STAG1: variants seen among roughly 807,000 people sequenced by gnomAD.
STAG1 encodes the protein STAG1 cohesin complex component.
Under a neutral mutation model 170.9 loss-of-function variants are expected in STAG1, and 26 were observed. The observed-to-expected ratio is 0.15, with a 90% confidence interval of 0.11 to 0.21. The LOEUF is 0.21. STAG1 is among the 10% of genes least tolerant of loss of function. STAG1 has a pLI of 1.00. For synonymous variants in STAG1, 514 were observed against 497.7 expected, an observed-to-expected ratio of 1.03 and a Z score of -0.44; for missense variants, 964 against 1,509.5, an observed-to-expected ratio of 0.64 and a Z score of 5.99.
intron 9 of STAG1, among the ~76,000 whole-genome samples, chr3:136,488,594 C>T (rs1361968762): frequency 4.6e-5 from 7 of 152,208 alleles, no homozygotes; most frequent in East Asian, 1.9e-4. Flanking sequence ...AGCACCTACA[C>T]GTTTGTGGTT....
intron 5 of STAG1, among the ~76,000 whole-genome samples, chr3:136,549,255 G>T (rs1250947415): frequency 1.3e-5 from 2 of 151,754 alleles, no homozygotes; most frequent in African/African-American, 4.8e-5. Flanking sequence ...GTTGCATCCT[G>T]TTACTTTGCC....
At chr3:136,633,545 C>A (rs1940416128) in intron 1 of STAG1, among the ~76,000 whole-genome samples, 1 of 151,492 alleles carries the variant, frequency 6.6e-6, no homozygotes, top group Non-Finnish European at 1.5e-5. Flanking sequence ...ACTAAAAATA[C>A]AAAAATTAGC....
intron 4 of STAG1, among the ~76,000 whole-genome samples, chr3:136,595,950 G>C (rs909054980): frequency 1.3e-5 from 2 of 152,032 alleles, no homozygotes; most frequent in Non-Finnish European, 2.9e-5. Context: ...ATTTTTACAA[G>C]GGCATCTACT....
chr3:136,746,273 CTATTA>C (rs375807208), intron 1 of STAG1, among the ~76,000 whole-genome samples: 6 of 152,116 alleles, frequency 3.9e-5, no homozygotes, highest in African/African-American at 1.2e-4. Context: ...TACCAAGCCC[CTATTA>C]TATCATTTCT....
intron 10 of STAG1, among the ~76,000 whole-genome samples, chr3:136,476,516 T>G (rs1282020887): frequency 6.6e-6 from 1 of 152,154 alleles, no homozygotes; most frequent in African/African-American, 2.4e-5. Context: ...ACATGTATAA[T>G]GAAAGGATCA....
At chr3:136,613,024 C>T (rs991854280) in intron 3 of STAG1, among the ~76,000 whole-genome samples, 3 of 152,070 alleles carry the variant, frequency 2.0e-5, no homozygotes, top group Admixed American at 6.5e-5. Flanking sequence ...GTTTCTGGGC[C>T]GGGCGCAGTG....
At chr3:136,558,736 T>C (rs1440268251) in intron 5 of STAG1, among the ~76,000 whole-genome samples, 4 of 152,190 alleles carry the variant, frequency 2.6e-5, no homozygotes, top group Non-Finnish European at 5.9e-5. Flanking sequence ...AAGTTGCATA[T>C]CTTATAACCC....
At chr3:136,691,604 C>T (rs1437663012) in intron 1 of STAG1, among the ~76,000 whole-genome samples, 3 of 152,140 alleles carry the variant, frequency 2.0e-5, no homozygotes, top group African/African-American at 7.2e-5. Flanking sequence ...CTCAAAGCTG[C>T]CATTTCATTT....
chr3:136,360,571 A>T (rs181017228), intron 26 of STAG1, among the ~76,000 whole-genome samples: 12 of 152,308 alleles, frequency 7.9e-5, no homozygotes, highest in Non-Finnish European at 1.5e-4. Flanking sequence ...GCACCTTTTT[A>T]GTTTTCTTCA....
chr3:136,636,954 T>C (rs894523920), intron 1 of STAG1, among the ~76,000 whole-genome samples: 16 of 152,222 alleles, frequency 1.1e-4, no homozygotes, highest in Non-Finnish European at 2.4e-4. Flanking sequence ...AATTTAGACA[T>C]GTCAATTAAC....
chr3:136,568,710 T>A, intron 5 of STAG1, 55 bp downstream of exon 5: 3 of 1,274,550 alleles, frequency 2.4e-6, no homozygotes, highest in East Asian at 2.4e-5. Context: ...GAAGTAAAAG[T>A]CACACTGCTG....
intron 22 of STAG1, among the ~76,000 whole-genome samples, chr3:136,390,625 G>T (rs2108326899): frequency 6.6e-6 from 1 of 152,324 alleles, no homozygotes; most frequent in East Asian, 1.9e-4. Context: ...TCTAAGAAAA[G>T]AAGTGAAATA....
chr3:136,635,268 A>G (rs975925640), intron 1 of STAG1, among the ~76,000 whole-genome samples: 2 of 152,214 alleles, frequency 1.3e-5, no homozygotes, highest in African/African-American at 2.4e-5. Flanking sequence ...AGAATTTTAC[A>G]TGAAGACCAA....
At position 136,705,417 on chromosome 3, in the gene STAG1, ACACACAC is replaced by A. The variant is rs1329297409; in HGVS notation, c.-84+46771_-84+46777del. On this transcript the variant is annotated intron_variant, in intron 1 of 33. Transcript: ENST00000383202. ...CACACACACACACACACACACACAC[ACACACAC>A]AACGAAGTTCAACGTATGATATTGT... 7.4e-4 allele frequency among the ~76,000 whole-genome samples: 99 copies of A among 134,152 alleles called. 1 individual carries two copies. Among genetic ancestry groups the A allele is most frequent in the African/African-American group, 2.3e-3 (87 of 37,622 alleles). 88.0% of individuals were successfully genotyped at this position (134,152 alleles called of 152,430 possible). A position where few individuals can be genotyped will look rare whatever the true frequency, so the allele number is the denominator to read the frequency against.
chr3:136,413,985 C>T (rs1281831622), intron 21 of STAG1, among the ~76,000 whole-genome samples: 1 of 152,170 alleles, frequency 6.6e-6, no homozygotes, highest in Non-Finnish European at 1.5e-5. Context: ...TCTGAAAAAA[C>T]AATGTACATA....
chr3:136,747,315 C>G (rs1445587735), intron 1 of STAG1, among the ~76,000 whole-genome samples: 1 of 151,248 alleles, frequency 6.6e-6, no homozygotes, highest in East Asian at 2.0e-4. Context: ...GCTGCTAGAC[C>G]AATCACACCA....
At chr3:136,737,159 C>G in intron 1 of STAG1, 1 of 771,852 alleles carries the variant, frequency 1.3e-6, no homozygotes, top group Non-Finnish European at 2.4e-6. Flanking sequence ...CTATTTGTTT[C>G]ACCTCACTGT....
chr3:136,548,754 T>G (rs141875617), intron 5 of STAG1, among the ~76,000 whole-genome samples: 45 of 152,344 alleles, frequency 3.0e-4, no homozygotes, highest in African/African-American at 1.0e-3. Flanking sequence ...TTTGGGTCTG[T>G]GTCCCCACTC....
chr3:136,682,438 A>T (rs868703889), intron 1 of STAG1, among the ~76,000 whole-genome samples: 2 of 145,654 alleles, frequency 1.4e-5, no homozygotes, highest in African/African-American at 4.9e-5. Flanking sequence ...AAATTAAAAA[A>T]AAAATAAAAT....
Sources: gnomAD v4.1 joint callset for allele counts (sites outside exome capture counted in the v4.1 genomes callset) on GRCh38, gnomAD v4.1.1 for gene constraint, MANE v1.5 for transcripts, NCBI Gene and HGNC (gene_info 2026-07-23, HGNC 2026-07-21) for gene names.